Variants in JAK1 observed in about 807,000 individuals in gnomAD.
The protein encoded by JAK1 is tyrosine-protein kinase JAK1.
A neutral mutation model predicts 136.6 loss-of-function variants in JAK1; 16 were observed. The ratio of observed to expected loss-of-function variants is 0.12; its 90% confidence interval spans 0.08 to 0.18. The LOEUF is 0.18. Ranked by LOEUF, JAK1 falls within the 10% of genes least tolerant of loss-of-function variation. The pLI is 1.00. For missense variants in JAK1, 859 were observed against 1,450.1 expected, an observed-to-expected ratio of 0.59 and a Z score of 6.62; for synonymous variants, 492 against 519.5, an observed-to-expected ratio of 0.95 and a Z score of 0.72.
At chr1:65,038,199 T>TA (rs1647094438) in intron 2 of JAK1, among the ~76,000 whole-genome samples, 1 of 115,748 alleles carries the variant, frequency 8.6e-6, no homozygotes, top group Admixed American at 8.8e-5. Flanking sequence ...TTTTCTTTTC[T>TA]TTTTTTTTTT....
intron 12 of JAK1, among the ~76,000 whole-genome samples, chr1:64,850,179 G>C (rs1217273289): frequency 6.6e-6 from 1 of 152,168 alleles, no homozygotes; most frequent in African/African-American, 2.4e-5. Context: ...CAGGGCTGGG[G>C]AGCGGTGGCA....
chr1:64,898,605 T>C (rs7549242), intron 1 of JAK1, among the ~76,000 whole-genome samples: 9,486 of 152,254 alleles, frequency 0.062, 607 homozygotes, highest in African/African-American at 0.16. Flanking sequence ...AAGAGATTAT[T>C]AGAACCTGAT....
intron 1 of JAK1, among the ~76,000 whole-genome samples, chr1:64,901,296 A>G (rs1352570459): frequency 1.3e-5 from 2 of 152,200 alleles, no homozygotes; most frequent in East Asian, 3.9e-4. Flanking sequence ...TGCATTTATA[A>G]AACTGTTTTA....
At chr1:65,016,189 G>C (rs761265556) in intron 2 of JAK1, among the ~76,000 whole-genome samples, 8 of 152,212 alleles carry the variant, frequency 5.3e-5, no homozygotes, top group Admixed American at 6.5e-5. Flanking sequence ...AGGGGCTGGG[G>C]AGAAGGGACC....
At chr1:64,907,264 G>T (rs1374099644) in intron 1 of JAK1, among the ~76,000 whole-genome samples, 1 of 152,144 alleles carries the variant, frequency 6.6e-6, no homozygotes, top group Non-Finnish European at 1.5e-5. Context: ...TATTCCTCCT[G>T]GCATCCTTTA....
chr1:65,027,580 G>C (rs1297558622), intron 2 of JAK1, among the ~76,000 whole-genome samples: 1 of 152,188 alleles, frequency 6.6e-6, no homozygotes, highest in Non-Finnish European at 1.5e-5. Flanking sequence ...GCAAAAGGAA[G>C]AGGGAGCTGG....
intron 1 of JAK1, among the ~76,000 whole-genome samples, chr1:65,051,613 G>T (rs1448346440): frequency 6.6e-6 from 1 of 152,044 alleles, no homozygotes; most frequent in East Asian, 1.9e-4. Context: ...TTCCTGGTTC[G>T]AAGATACTCA....
chr1:64,899,714 T>C (rs1352918101), intron 1 of JAK1, among the ~76,000 whole-genome samples: 4 of 152,080 alleles, frequency 2.6e-5, no homozygotes, highest in African/African-American at 4.8e-5. Flanking sequence ...AATCTGAAAA[T>C]TGTCTGGTCT....
At chr1:64,938,915 A>C (rs184186720) in intron 1 of JAK1, among the ~76,000 whole-genome samples, 44 of 152,300 alleles carry the variant, frequency 2.9e-4, no homozygotes, top group Middle Eastern at 3.4e-3. Context: ...TGTTATAATT[A>C]ATAGTTAATA....
intron 1 of JAK1, among the ~76,000 whole-genome samples, chr1:64,943,495 A>AT (rs1324990217): frequency 1.3e-5 from 2 of 152,216 alleles, no homozygotes; most frequent in Admixed American, 6.5e-5. Context: ...GGAGATGATG[A>AT]TTTTTTGTGG....
chr1:64,907,530 C>A (rs778954527), intron 1 of JAK1, among the ~76,000 whole-genome samples: 23 of 151,946 alleles, frequency 1.5e-4, no homozygotes, highest in Middle Eastern at 3.2e-3. Context: ...CACACTGGGG[C>A]CAATTGGAGG....
chr1:64,886,751 TACACACACACACACACAC>T (rs3838404), intron 1 of JAK1, among the ~76,000 whole-genome samples: 5 of 138,944 alleles, frequency 3.6e-5, no homozygotes, highest in Admixed American at 1.4e-4. Flanking sequence ...CAACCTTGTC[TACACACACACACACACAC>T]ACACACACAC....
At chr1:64,838,372 T>A in intron 21 of JAK1, 93 bp downstream of exon 21, 4 of 1,332,430 alleles carry the variant, frequency 3.0e-6, no homozygotes, top group Non-Finnish European at 4.2e-6. Context: ...ATAATTATCA[T>A]AAACTTACCC....
At chr1:65,000,200 G>C (rs1646742013) in intron 2 of JAK1, among the ~76,000 whole-genome samples, 1 of 152,008 alleles carries the variant, frequency 6.6e-6, no homozygotes, top group Non-Finnish European at 1.5e-5. Flanking sequence ...TGTTGGGCAG[G>C]ATGGTCTTGA....
At chr1:64,913,721 G>GA (rs1645340267) in intron 1 of JAK1, among the ~76,000 whole-genome samples, 1 of 88,464 alleles carries the variant, frequency 1.1e-5, no homozygotes, top group Non-Finnish European at 2.4e-5. Context: ...GGGAGGGAGG[G>GA]AGGGAGGGAG....
intron 2 of JAK1, among the ~76,000 whole-genome samples, chr1:65,035,992 C>T (rs1028629647): frequency 1.3e-5 from 2 of 151,960 alleles, no homozygotes; most frequent in Non-Finnish European, 1.5e-5. Flanking sequence ...CACTTGAACC[C>T]GGGAGGTAGA....
At chr1:65,055,892 T>C (rs762391647) in intron 1 of JAK1, among the ~76,000 whole-genome samples, 1 of 152,116 alleles carries the variant, frequency 6.6e-6, no homozygotes, top group Non-Finnish European at 1.5e-5. Context: ...ACAGGCCTGG[T>C]TGTAGATTTT....
At chr1:64,858,221 T>TA (rs1486857481) in intron 9 of JAK1, among the ~76,000 whole-genome samples, 1 of 152,188 alleles carries the variant, frequency 6.6e-6, no homozygotes, top group African/African-American at 2.4e-5. Context: ...ACTGAGAGAA[T>TA]ACATCAGTGA....
chr1:64,944,135 T>C (rs1303434821), intron 1 of JAK1, among the ~76,000 whole-genome samples: 3 of 143,154 alleles, frequency 2.1e-5, no homozygotes, highest in Non-Finnish European at 3.0e-5. Context: ...GGCAGGAGAA[T>C]GGCATGAACC....
Sources: gnomAD v4.1 joint callset for allele counts (sites outside exome capture counted in the v4.1 genomes callset) on GRCh38, gnomAD v4.1.1 for gene constraint, MANE v1.5 for transcripts, NCBI Gene and HGNC (gene_info 2026-07-23, HGNC 2026-07-21) for gene names.